Variants in PARN observed in about 807,000 individuals in gnomAD.
PARN encodes the protein poly(A)-specific ribonuclease PARN.
In PARN, 71 loss-of-function variants were observed where a neutral mutation model predicts 102.8. That is an observed-to-expected ratio of 0.69 (90% CI 0.57 to 0.84). PARN has a LOEUF of 0.84. Among genes scored for constraint, PARN ranks in the 40% least tolerant of loss-of-function variants. The pLI, the probability that PARN is intolerant of heterozygous loss-of-function variation, is 0.00. For synonymous variants in PARN, 261 were observed against 252.9 expected (o/e 1.03, Z -0.30); for missense variants, 782 against 760.9 (o/e 1.03, Z -0.33).
intron 7 of PARN, among the ~76,000 whole-genome samples, chr16:14,610,196 G>C (rs1971443431): frequency 6.6e-6 from 1 of 152,216 alleles, no homozygotes; most frequent in East Asian, 1.9e-4. Flanking sequence ...ATGCCGGCTA[G>C]GCATGCTGGC....
intron 21 of PARN, among the ~76,000 whole-genome samples, chr16:14,492,812 C>A (rs1964128849): frequency 6.6e-6 from 1 of 152,212 alleles, no homozygotes; most frequent in Admixed American, 6.5e-5. Context: ...ACCACAGGCT[C>A]TGAGGCCACA....
chr16:14,536,855 A>G (rs1966631397), intron 21 of PARN, among the ~76,000 whole-genome samples: 1 of 152,226 alleles, frequency 6.6e-6, no homozygotes, highest in Non-Finnish European at 1.5e-5. Flanking sequence ...AGAAGAAAAC[A>G]TTAGACAAAT....
At chr16:14,459,272 TC>T (rs1425997351) in intron 22 of PARN, among the ~76,000 whole-genome samples, 1 of 152,176 alleles carries the variant, frequency 6.6e-6, no homozygotes, top group Non-Finnish European at 1.5e-5. Flanking sequence ...ACGAAAAATA[TC>T]CAATACTCTA....
chr16:14,477,142 T>C (rs1240190371), intron 22 of PARN, among the ~76,000 whole-genome samples: 1 of 152,158 alleles, frequency 6.6e-6, no homozygotes, highest in Non-Finnish European at 1.5e-5. Context: ...ATGCAAACGC[T>C]AAGTATAAGA....
At chr16:14,447,365 CT>C (rs1283614663) in intron 22 of PARN, among the ~76,000 whole-genome samples, 1 of 152,088 alleles carries the variant, frequency 6.6e-6, no homozygotes, top group African/African-American at 2.4e-5. Flanking sequence ...GTAAAGTAGC[CT>C]CTATTTTGAT....
At chr16:14,447,529 T>C (rs1961256391) in intron 22 of PARN, among the ~76,000 whole-genome samples, 1 of 152,270 alleles carries the variant, frequency 6.6e-6, no homozygotes, top group South Asian at 2.1e-4. Flanking sequence ...ATCAGTCTGC[T>C]ATCCCACTGC....
At position 14,630,221 on chromosome 16, in the gene PARN, G is replaced by A. The variant is rs942920360; in HGVS notation, c.-96C>T. On this transcript the variant is annotated 5_prime_UTR_variant, in exon 1 of 24. Coordinates refer to ENST00000437198, the MANE Select transcript of PARN (RefSeq NM_002582.4). ...CCGCGGCGACTGCGGCAGTAGCTGAGGCAGCCGCAGCGGTGACGCCGGCCG... is the reference window on the plus strand; with the variant it reads ...CCGCGGCGACTGCGGCAGTAGCTGAAGCAGCCGCAGCGGTGACGCCGGCCG... 3.6e-6 allele frequency: 4 copies of A among 1,122,568 alleles called. No homozygotes were observed. The highest frequency in any genetic ancestry group is 5.2e-6 in the Non-Finnish European group (4 of 776,538). The allele number at this position is 1,122,568 out of a possible 1,614,324, so 69.5% of individuals were successfully genotyped here. A position where few individuals can be genotyped will look rare whatever the true frequency, so the allele number is the denominator to read the frequency against.
intron 22 of PARN, among the ~76,000 whole-genome samples, chr16:14,455,400 T>C (rs920742639): frequency 6.6e-6 from 1 of 152,340 alleles, no homozygotes; most frequent in African/African-American, 2.4e-5. Context: ...ATTAAGAGTA[T>C]TCCACAATCA....
intron 5 of PARN, among the ~76,000 whole-genome samples, chr16:14,620,388 AC>A (rs1273075513): frequency 6.6e-6 from 1 of 152,236 alleles, no homozygotes; most frequent in Non-Finnish European, 1.5e-5. Flanking sequence ...AAAACAAAAA[AC>A]AAAAAACACT....
chr16:14,447,090 C>G lies in PARN; in HGVS notation c.1671-9G>C. 6.3e-7 allele frequency: 1 copy of G among 1,598,214 alleles called. No homozygotes were observed. Among genetic ancestry groups the G allele is most frequent in the Non-Finnish European group, 8.5e-7 (1 of 1,172,000 alleles). On this transcript the variant is annotated splice_polypyrimidine_tract_variant and intron_variant, in intron 22 of 23. Transcript: ENST00000437198. ...TGCTGGGAGCTGTAAAACTGAAATG[C>G]AAAAAGTGGAACAACATAAAAGGTG...
intron 23 of PARN, among the ~76,000 whole-genome samples, chr16:14,440,024 C>T (rs1469425549): frequency 6.6e-6 from 1 of 151,894 alleles, no homozygotes; most frequent in Non-Finnish European, 1.5e-5. Context: ...AAAACAACAA[C>T]AACAACAACA....
chr16:14,597,399 C>G (rs1179925408), intron 12 of PARN, among the ~76,000 whole-genome samples: 1 of 152,124 alleles, frequency 6.6e-6, no homozygotes, highest in East Asian at 1.9e-4. Flanking sequence ...ACCAAGCGAT[C>G]AAGATCAACA....
In PARN at chr16:14,468,925, A is replaced by AGATAGAT. The variant is rs1555481203; in HGVS notation, c.1670+13712_1670+13713insATCTATC. 2.7e-5 allele frequency among the ~76,000 whole-genome samples: 4 copies of AGATAGAT among 146,074 alleles called. No homozygotes were observed. The East Asian group carries it at 6.0e-4, about 22-fold the overall frequency. ...TAGATAGATAGATAGATAGATAGAT[A>AGATAGAT]AAATAAAATAAAGATAAAACATTTG... On this transcript the variant is annotated intron_variant, in intron 22 of 23. Transcript: ENST00000437198.
chr16:14,516,813 T>A (rs1392067532), intron 21 of PARN, among the ~76,000 whole-genome samples: 1 of 152,176 alleles, frequency 6.6e-6, no homozygotes. Flanking sequence ...AGAGACTAAA[T>A]GATGGTTATA....
Position 14,436,147 on chromosome 16 carries a change from C to A in PARN, c.*570G>T, listed in dbSNP as rs1960684348. 6.5e-6 allele frequency: 1 copy of A among 153,868 alleles called. No individual in the cohort carries two copies. The highest frequency in any genetic ancestry group is 2.4e-5 in the African/African-American group (1 of 41,470). The allele number at this position is 153,868 out of a possible 1,614,324, so 9.5% of individuals were successfully genotyped here. A position where few individuals can be genotyped will look rare whatever the true frequency, so the allele number is the denominator to read the frequency against. ...GGCCAGGGCATACGGCAAGCCCTCT[C>A]ATGGGTGGGCATGAGTGGACATCTT... On this transcript the variant is annotated 3_prime_UTR_variant, in exon 24 of 24. Coordinates refer to ENST00000437198, the MANE Select transcript of PARN (RefSeq NM_002582.4).
intron 5 of PARN, 75 bp from the exon 6 acceptor site, chr16:14,617,725 TCAAA>T (rs1781603684): frequency 2.3e-6 from 2 of 880,980 alleles, no homozygotes; most frequent in Non-Finnish European, 3.9e-6. Flanking sequence ...GAGAAGTAAC[TCAAA>T]CAAGAAAACA....
chr16:14,555,585 T>G, intron 19 of PARN, 69 bp downstream of exon 19: 1 of 671,204 alleles, frequency 1.5e-6, no homozygotes, highest in East Asian at 3.2e-5. Context: ...TAGTAATATT[T>G]TCCTGTTATC....
At chr16:14,547,355 C>T (rs753290919) in intron 21 of PARN, among the ~76,000 whole-genome samples, 12 of 152,038 alleles carry the variant, frequency 7.9e-5, no homozygotes, top group Non-Finnish European at 1.6e-4. Flanking sequence ...ACTCAGTAGA[C>T]GGGTTTTAGT....
chr16:14,437,069 C>G (rs1410694332), intron 23 of PARN, among the ~76,000 whole-genome samples: 2 of 152,220 alleles, frequency 1.3e-5, no homozygotes, highest in African/African-American at 4.8e-5. Flanking sequence ...CACAGTATTC[C>G]TCACTGAACA....
Sources: gnomAD v4.1 joint callset for allele counts (sites outside exome capture counted in the v4.1 genomes callset) on GRCh38, gnomAD v4.1.1 for gene constraint, MANE v1.5 for transcripts, NCBI Gene and HGNC (gene_info 2026-07-23, HGNC 2026-07-21) for gene names.